Variants in DPYS observed in about 807,000 individuals in gnomAD.
DPYS encodes dihydropyrimidinase.
DPYS carries 39 observed loss-of-function variants against 50.3 expected under a neutral mutation model. The ratio of observed to expected loss-of-function variants is 0.78; its 90% CI spans 0.60 to 1.01. The LOEUF is 1.01. Among genes scored for constraint, DPYS ranks in the 50% least tolerant of loss-of-function variants. The pLI, the probability that DPYS is intolerant of heterozygous loss-of-function variation, is 0.00. For synonymous variants in DPYS, 245 were observed against 250.7 expected (o/e 0.98, Z 0.22); for missense variants, 659 against 680.9 (o/e 0.97, Z 0.36).
chr8:104,394,076 G>A (rs1401797620), intron 7 of DPYS, among the ~76,000 whole-genome samples: 2 of 152,252 alleles, frequency 1.3e-5, no homozygotes, highest in Admixed American at 6.5e-5. Flanking sequence ...CCATTCCTGA[G>A]TTACTTCACT....
At chr8:104,389,214 T>C (rs1319035523) in intron 8 of DPYS, among the ~76,000 whole-genome samples, 1 of 152,202 alleles carries the variant, frequency 6.6e-6, no homozygotes, top group African/African-American at 2.4e-5. Context: ...AGCAAAGAAA[T>C]AGCATTTGCT....
At chr8:104,440,251 A>G in intron 4 of DPYS, among the ~76,000 whole-genome samples, 1 of 152,192 alleles carries the variant, frequency 6.6e-6, no homozygotes, top group East Asian at 1.9e-4. Context: ...TAATAGCATT[A>G]TATTTCTAGG....
At chr8:104,400,889 C>G (rs1176550900) in intron 7 of DPYS, among the ~76,000 whole-genome samples, 1 of 152,220 alleles carries the variant, frequency 6.6e-6, no homozygotes, top group African/African-American at 2.4e-5. Flanking sequence ...AACATTCTGT[C>G]CCTTTGCAAA....
intron 8 of DPYS, among the ~76,000 whole-genome samples, chr8:104,382,621 C>G (rs1025291309): frequency 6.8e-6 from 1 of 148,068 alleles, no homozygotes; most frequent in African/African-American, 2.5e-5. Flanking sequence ...GGTGACTGTA[C>G]AATTTATCAT....
chr8:104,396,836 A>AG (rs1811607165), intron 7 of DPYS, among the ~76,000 whole-genome samples: 1 of 151,966 alleles, frequency 6.6e-6, no homozygotes, highest in South Asian at 2.1e-4. Flanking sequence ...AAAAAAAAAA[A>AG]AAAAGGTCAT....
intron 4 of DPYS, among the ~76,000 whole-genome samples, chr8:104,432,357 T>A (rs1007727897): frequency 6.6e-6 from 1 of 152,200 alleles, no homozygotes; most frequent in Non-Finnish European, 1.5e-5. Context: ...ACAACCCATT[T>A]ATTAGATGAC....
intron 9 of DPYS, chr8:104,380,496 A>G (rs1810997050): frequency 6.5e-6 from 1 of 152,694 alleles, no homozygotes; most frequent in Admixed American, 6.5e-5. Flanking sequence ...TGCTAAAATT[A>G]CAGCAAAGCC....
intron 1 of DPYS, among the ~76,000 whole-genome samples, chr8:104,462,671 T>C (rs1450367758): frequency 6.6e-6 from 1 of 152,192 alleles, no homozygotes; most frequent in Non-Finnish European, 1.5e-5. Flanking sequence ...TGAATACAAA[T>C]TTATGTATAT....
At chr8:104,397,148 C>T (rs572061169) in intron 7 of DPYS, among the ~76,000 whole-genome samples, 1 of 152,282 alleles carries the variant, frequency 6.6e-6, no homozygotes, top group South Asian at 2.1e-4. Flanking sequence ...AAAGGCCCTC[C>T]TCACTTCTGC....
Position 104,447,817 on chromosome 8 carries a change from A to G in DPYS, c.424-314T>C, listed in dbSNP as rs79344284. 3.9e-3 allele frequency among the ~76,000 whole-genome samples: 597 copies of G among 152,346 alleles called. 9 individuals carry two copies. The highest frequency in any genetic ancestry group is 4.5e-3 in the Admixed American group (69 of 15,310). On this transcript the variant is annotated intron_variant, in intron 2 of 9. Transcript: ENST00000351513. Reference sequence around the variant, plus strand: ...TCTCCCGATTTGAGGAAATTATTCTAAAAAATGACCTTGAAGCCATGTTGG... The same window carrying G: ...TCTCCCGATTTGAGGAAATTATTCTGAAAAATGACCTTGAAGCCATGTTGG...
intron 9 of DPYS, 88 bp downstream of exon 9, chr8:104,381,096 G>C: frequency 9.0e-7 from 1 of 1,116,524 alleles, no homozygotes; most frequent in Non-Finnish European, 1.4e-6. Flanking sequence ...TGAAGCCTCT[G>C]ACCTTGATCT....
chr8:104,382,254 G>A (rs936980923), intron 8 of DPYS, among the ~76,000 whole-genome samples: 16 of 152,240 alleles, frequency 1.1e-4, no homozygotes, highest in Middle Eastern at 3.4e-3. Context: ...GCACTGCATC[G>A]GGTGTGCACT....
intron 6 of DPYS, 140 bp downstream of exon 6, chr8:104,427,840 A>T: frequency 8.6e-7 from 1 of 1,168,552 alleles, no homozygotes; most frequent in Non-Finnish European, 1.3e-6. Flanking sequence ...TCGAGGTGAT[A>T]GTATTGCATT....
chr8:104,455,856 T>G (rs1813905224), intron 1 of DPYS, among the ~76,000 whole-genome samples: 1 of 152,172 alleles, frequency 6.6e-6, no homozygotes, highest in African/African-American at 2.4e-5. Flanking sequence ...TACTTCAATT[T>G]TATTTTCAAT....
At chr8:104,399,290 C>CAAAAAAAAAAAAAAAAA (rs11323938) in intron 7 of DPYS, among the ~76,000 whole-genome samples, 15 of 74,886 alleles carry the variant, frequency 2.0e-4, no homozygotes, top group East Asian at 4.6e-4. Context: ...GACTCCATCT[C>CAAAAAAAAAAAAAAAAA]AAAAAAAAAA....
intron 2 of DPYS, among the ~76,000 whole-genome samples, chr8:104,448,309 C>G (rs886094136): frequency 1.3e-5 from 2 of 152,080 alleles, no homozygotes; most frequent in Non-Finnish European, 2.9e-5. Context: ...GCGTGCACCA[C>G]CATGCCCAGC....
At chr8:104,383,210 G>A (rs946070280) in intron 8 of DPYS, among the ~76,000 whole-genome samples, 2 of 152,150 alleles carry the variant, frequency 1.3e-5, no homozygotes, top group African/African-American at 2.4e-5. Context: ...GGTAGCTTCC[G>A]GTCAGGGCCA....
At position 104,446,834 on chromosome 8, in the gene DPYS, A is replaced by G. The variant is rs151254802; in HGVS notation, c.603+490T>C. The stretch of plus-strand genomic sequence containing the variant: ...ATAATGGGACTAACATGAGAAATAA[A>G]TATCATCTAGTTTCCTCCAGAGCAC... On this transcript the variant is annotated intron_variant, in intron 3 of 9. Coordinates refer to ENST00000351513, the MANE Select transcript of DPYS (RefSeq NM_001385.3). Among the ~76,000 whole-genome samples, 3 of 152,312 alleles carry G rather than the reference A, an allele frequency of 2.0e-5. No homozygotes were observed. In the East Asian group the frequency reaches 5.8e-4, roughly 29 times the overall value.
At chr8:104,441,215 C>T (rs928962652) in intron 4 of DPYS, among the ~76,000 whole-genome samples, 4 of 152,124 alleles carry the variant, frequency 2.6e-5, no homozygotes, top group South Asian at 4.1e-4. Flanking sequence ...TCAACTACAA[C>T]GTTTAGGGAG....
Sources: gnomAD v4.1 joint callset for allele counts (sites outside exome capture counted in the v4.1 genomes callset) on GRCh38, gnomAD v4.1.1 for gene constraint, MANE v1.5 for transcripts, NCBI Gene and HGNC (gene_info 2026-07-23, HGNC 2026-07-21) for gene names.